The following FAM199X variants were observed in gnomAD, a reference collection of about 807,000 sequenced individuals.
The protein encoded by FAM199X is family with sequence similarity 199, X-linked, also known as protein FAM199X.
In FAM199X, 4 loss-of-function variants were observed where a neutral mutation model predicts 22.9. The observed-to-expected ratio is 0.17, with a 90% CI of 0.09 to 0.40. The LOEUF is 0.40. FAM199X is among the 10% of genes least tolerant of loss of function. The probability of loss-of-function intolerance (pLI) is 1.00; values close to 1 mark genes in which losing one functional copy is unlikely to be tolerated. For synonymous variants in FAM199X, 101 were observed against 112.3 expected (o/e 0.90, Z 0.64); for missense variants, 183 against 306.8 (o/e 0.60, Z 3.01).
chrX:104,171,290 C>A (rs1921346538), intron 1 of FAM199X, among the ~76,000 whole-genome samples: 1 of 110,839 alleles, frequency 9.0e-6, no homozygotes, highest in African/African-American at 3.3e-5. Context: ...ATTTGGGCAG[C>A]AAGCCTAGTT....
intron 5 of FAM199X, among the ~76,000 whole-genome samples, chrX:104,189,218 A>G (rs900361582): frequency 9.0e-6 from 1 of 111,664 alleles, no homozygotes; most frequent in African/African-American, 3.3e-5. Context: ...CCTGAGAATC[A>G]TAAGTATTAG....
intron 2 of FAM199X, among the ~76,000 whole-genome samples, chrX:104,181,742 A>G (rs1921658854): frequency 9.0e-6 from 1 of 111,533 alleles, no homozygotes; most frequent in South Asian, 3.7e-4. Flanking sequence ...TTCTGCCACT[A>G]GTTGTATGAC....
Position 104,166,872 on chromosome X carries a change from G to C in FAM199X, c.87G>C (p.Gly29=), listed in dbSNP as rs1287412608. 1 of 1,204,840 alleles carries C rather than the reference G, an allele frequency of 8.3e-7. No homozygotes were observed. Among genetic ancestry groups the C allele is most frequent in the Admixed American group, 2.2e-5 (1 of 45,520 alleles). ...TCCCACTCCTGGGACCTCCTCGCGG[G>C]GTGGGCACCTGCCCGAGCGAGGAGC... ...EPFPLLGPPR[G]VGTCPSEEPG... The change falls in exon 1 of 6, where the codon GGG becomes GGC. Residue 29 remains glycine, a synonymous_variant. Transcript: ENST00000493442.
At chrX:104,167,134 C>T in intron 1 of FAM199X, 152 bp downstream of exon 1, 1 of 444,505 alleles carries the variant, frequency 2.2e-6, no homozygotes, top group Non-Finnish European at 3.5e-6. Context: ...GCCCCCCCTC[C>T]CTATTTTCAC....
chrX:104,195,559 A>G lies in FAM199X; in HGVS notation c.*5781A>G, dbSNP rs1224458173. 4.5e-5 allele frequency: 5 copies of G among 111,224 alleles called. No individual in the cohort carries two copies. The highest frequency in any genetic ancestry group is 6.5e-5 in the African/African-American group (2 of 30,668). The allele number at this position is 111,224 out of a possible 1,213,427, so 9.2% of individuals were successfully genotyped here. On this transcript the variant is annotated 3_prime_UTR_variant, in exon 6 of 6. Coordinates refer to ENST00000493442, the MANE Select transcript of FAM199X (RefSeq NM_207318.4). ...ATTTTTTTTGACAAAAAATAGATCT[A>G]TTTTCCTTATATATTGATTTAGAAT...
chrX:104,176,291 T>C (rs1461077931), intron 2 of FAM199X, among the ~76,000 whole-genome samples: 1 of 112,070 alleles, frequency 8.9e-6, no homozygotes, highest in East Asian at 2.8e-4. Context: ...GTATTCTGTT[T>C]GTATGTAGAC....
chrX:104,162,303 GCTCT>G (rs1921061173), upstream of FAM199X, among the ~76,000 whole-genome samples: 1 of 111,563 alleles, frequency 9.0e-6, no homozygotes, highest in South Asian at 3.7e-4. Flanking sequence ...TGGCTGTTTG[GCTCT>G]CTATTTTAAA....
At chrX:104,185,199 G>T (rs1921769603) in intron 2 of FAM199X, among the ~76,000 whole-genome samples, 1 of 107,320 alleles carries the variant, frequency 9.3e-6, no homozygotes, top group Non-Finnish European at 1.9e-5. Context: ...GAGCTACTTT[G>T]CCCGGCCTTA....
intron 2 of FAM199X, among the ~76,000 whole-genome samples, chrX:104,182,630 T>C (rs781832756): frequency 1.8e-5 from 2 of 111,604 alleles, no homozygotes; most frequent in South Asian, 7.5e-4. Flanking sequence ...CTATGTTTTT[T>C]TCCATCTATG....
chrX:104,165,551 G>A (rs1255762956), upstream of FAM199X, among the ~76,000 whole-genome samples: 1 of 111,929 alleles, frequency 8.9e-6, no homozygotes, highest in East Asian at 2.8e-4. Flanking sequence ...ATGAAAATGT[G>A]CTTCCTTTTA....
rs1556379643 is a variant in FAM199X, at chrX:104,188,290, G to A, written c.980G>A (p.Arg327Gln). 3 of 1,211,550 alleles carry A rather than the reference G, an allele frequency of 2.5e-6. No homozygotes were observed. The highest frequency in any genetic ancestry group is 3.4e-6 in the Non-Finnish European group (3 of 895,337). Reference protein sequence around the residue: ...DSNLSASAAERIRDSKKRSKQ... With the variant: ...DSNLSASAAEQIRDSKKRSKQ... ...AACCTGTCTGCAAGTGCAGCAGAGCGGATTCGGGATTCAAAAGTAAAACGT... is the reference window on the plus strand; with the variant it reads ...AACCTGTCTGCAAGTGCAGCAGAGCAGATTCGGGATTCAAAAGTAAAACGT... The change falls in exon 5 of 6, where the codon CGG (arginine) becomes CAG (glutamine). Residue 327 changes from arginine to glutamine, a missense_variant. Arg to Gln is a conservative substitution (Grantham distance 43, BLOSUM62 1). This residue lies in a region of FAM199X where 128 missense variants were observed against 246.2 expected (regional missense o/e 0.52). Coordinates refer to ENST00000493442, the MANE Select transcript of FAM199X (RefSeq NM_207318.4).
At chrX:104,161,183 C>T in the FAM199X span, among the ~76,000 whole-genome samples, 1 of 111,711 alleles carries the variant, frequency 9.0e-6, no homozygotes, top group Non-Finnish European at 1.9e-5. Context: ...CTAAAACAAA[C>T]ATTTTCTTAA....
At chrX:104,174,061 G>T (rs1472996519) in intron 1 of FAM199X, among the ~76,000 whole-genome samples, 3 of 111,450 alleles carry the variant, frequency 2.7e-5, no homozygotes, top group Non-Finnish European at 5.6e-5. Context: ...GATGGCTTGA[G>T]CTCAGGAGTT....
upstream of FAM199X, among the ~76,000 whole-genome samples, chrX:104,164,117 T>C (rs1269023608): frequency 8.9e-6 from 1 of 112,872 alleles, no homozygotes; most frequent in Non-Finnish European, 1.9e-5. Context: ...AATTTACAAA[T>C]TGTGCACAAA....
At chrX:104,186,403 A>G in intron 3 of FAM199X, 57 bp from the exon 4 acceptor site, 2 of 1,150,207 alleles carry the variant, frequency 1.7e-6, no homozygotes, top group Non-Finnish European at 2.4e-6. Flanking sequence ...TATAATTGAC[A>G]TAATAAAGGA....
rs781961664 is a variant in FAM199X, at chrX:104,188,023, T to C, written c.730-17T>C. On this transcript the variant is annotated splice_polypyrimidine_tract_variant and intron_variant, in intron 4 of 5. Coordinates refer to ENST00000493442, the MANE Select transcript of FAM199X (RefSeq NM_207318.4). ...TCAAGGTGCAACACTAACCAGTTTG[T>C]GTTTGTGCATCCCAAGGTCAGAAAC... is the stretch of plus-strand genomic sequence containing the variant. 1.7e-6 allele frequency: 2 copies of C among 1,206,676 alleles called. No homozygotes were observed. Among genetic ancestry groups the C allele is most frequent in the African/African-American group, 3.5e-5 (2 of 57,837 alleles).
rs1556373943 is a variant in FAM199X, at chrX:104,166,572, G to C, written c.-214G>C. 7 of 308,189 alleles carry C rather than the reference G, an allele frequency of 2.3e-5. No individual in the cohort carries two copies. In the South Asian group the frequency reaches 5.1e-4, roughly 22 times the overall value. The allele number at this position is 308,189 out of a possible 1,213,427, so 25.4% of individuals were successfully genotyped here. ...GCAGAGGCCACCGGGGCGCTAACTG[G>C]GTGGCCGGTGGGCCGCTGTGGCCTC... is the stretch of plus-strand genomic sequence containing the variant. On this transcript the variant is annotated 5_prime_UTR_variant, in exon 1 of 6. Coordinates refer to ENST00000493442, the MANE Select transcript of FAM199X (RefSeq NM_207318.4).
rs1181455389 is a variant in FAM199X at position 104,192,928 on chromosome X, T to G, written c.*3150T>G. ...GGAAACTATAGCGGTATCCAGATTCTGATGAGCTTTAAAAATTATAAAATA... is the reference window on the plus strand; with the variant it reads ...GGAAACTATAGCGGTATCCAGATTCGGATGAGCTTTAAAAATTATAAAATA... On this transcript the variant is annotated 3_prime_UTR_variant, in exon 6 of 6. Transcript: ENST00000493442. The G allele has an allele frequency of 8.9e-6, 1 of 111,852 alleles. No homozygotes were observed. The highest frequency in any genetic ancestry group is 1.9e-5 in the Non-Finnish European group (1 of 52,985). The allele number at this position is 111,852 out of a possible 1,213,427, so 9.2% of individuals were successfully genotyped here. A position where few individuals can be genotyped will look rare whatever the true frequency, so the allele number is the denominator to read the frequency against.
At chrX:104,185,062 ATTTT>A (rs782075983) in intron 2 of FAM199X, among the ~76,000 whole-genome samples, 1 of 77,951 alleles carries the variant, frequency 1.3e-5, no homozygotes, top group Admixed American at 1.5e-4. Flanking sequence ...AGGCATGATA[ATTTT>A]TTTTTTTTTT....
Sources: allele counts gnomAD v4.1 joint callset (sites outside exome capture counted in the v4.1 genomes callset), GRCh38; gene constraint gnomAD v4.1.1; regional missense constraint gnomAD v4.1.1; transcripts MANE v1.5; gene names NCBI Gene and HGNC (gene_info 2026-07-23, HGNC 2026-07-21).